GPR39: variants seen among roughly 807,000 people sequenced by gnomAD.
GPR39 encodes the protein G protein-coupled receptor 39, also known as zinc sensing receptor.
GPR39 carries 23 observed loss-of-function variants against 18.4 expected under a neutral mutation model. That is an observed-to-expected ratio of 1.25 (90% confidence interval 0.90 to 1.77). The LOEUF (loss-of-function observed/expected upper bound fraction) is 1.77, where lower values mean the gene tolerates loss of function less well. GPR39 is among the 40% of genes most tolerant of loss of function. The pLI is 0.00. For missense variants in GPR39, 647 were observed against 602.4 expected (o/e 1.07, Z -0.78); for synonymous variants, 280 against 257.9 (o/e 1.09, Z -0.82).
chr2:132,438,746 T>C (rs1285561845), intron 1 of GPR39, among the ~76,000 whole-genome samples: 2 of 152,156 alleles, frequency 1.3e-5, no homozygotes, highest in Non-Finnish European at 1.5e-5. Flanking sequence ...TTGTTTCAAG[T>C]TGAAGGTCTT....
intron 1 of GPR39, among the ~76,000 whole-genome samples, chr2:132,530,031 G>A (rs1558828236): frequency 6.6e-6 from 1 of 152,090 alleles, no homozygotes; most frequent in African/African-American, 2.4e-5. Context: ...GAGAGAAGAA[G>A]CCTTCAGAAG....
chr2:132,554,052 G>A (rs1680102642), intron 1 of GPR39, among the ~76,000 whole-genome samples: 1 of 152,150 alleles, frequency 6.6e-6, no homozygotes, highest in African/African-American at 2.4e-5. Context: ...CATTCATGCT[G>A]CAGAAGTATA....
intron 1 of GPR39, among the ~76,000 whole-genome samples, chr2:132,594,314 A>G (rs1275683763): frequency 6.6e-6 from 1 of 152,126 alleles, no homozygotes; most frequent in East Asian, 1.9e-4. Context: ...TTTTTTGGCT[A>G]AAATGATCTC....
rs949584978 is a variant in GPR39, at chr2:132,645,364, C to T, written c.1120C>T (p.Leu374=). ...SLQHANHEKR[L]RVHAHSTTDS... is the part of the protein sequence containing the mutation. ...GCAGCACGCCAACCACGAGAAGCGC[C>T]TGCGCGTACATGCGCACTCCACCAC... The change falls in exon 2 of 2, where the codon CTG becomes TTG. Residue 374 remains leucine (L), a synonymous_variant. Coordinates refer to ENST00000329321, the MANE Select transcript of GPR39 (RefSeq NM_001508.3). 6.8e-6 allele frequency: 11 copies of T among 1,613,930 alleles called. No individual in the cohort carries two copies. In the African/African-American group the frequency reaches 1.3e-4, roughly 20 times the overall value.
intron 1 of GPR39, chr2:132,604,965 A>G (rs61605526): frequency 0.24 from 36,689 of 152,162 alleles, 4,947 homozygotes; most frequent in African/African-American, 0.36. Context: ...TACTTACCAC[A>G]TGTCAGATAT....
chr2:132,567,650 C>G (rs1680374452), intron 1 of GPR39, among the ~76,000 whole-genome samples: 1 of 152,154 alleles, frequency 6.6e-6, no homozygotes, highest in Non-Finnish European at 1.5e-5. Flanking sequence ...AGAAAACAGG[C>G]TAAGATACCA....
intron 1 of GPR39, among the ~76,000 whole-genome samples, chr2:132,496,715 A>G (rs952238290): frequency 6.6e-6 from 1 of 152,088 alleles, no homozygotes; most frequent in Admixed American, 6.6e-5. Flanking sequence ...GTTGTCATCA[A>G]CTCCACTTTC....
intron 1 of GPR39, among the ~76,000 whole-genome samples, chr2:132,418,756 T>C (rs760818607): frequency 3.3e-5 from 5 of 152,242 alleles, no homozygotes; most frequent in Non-Finnish European, 7.3e-5. Context: ...GACAAGGCTT[T>C]AATGGAGACA....
At chr2:132,487,968 TATC>T (rs756364385) in intron 1 of GPR39, among the ~76,000 whole-genome samples, 1 of 152,186 alleles carries the variant, frequency 6.6e-6, no homozygotes, top group African/African-American at 2.4e-5. Context: ...CAACTCAACA[TATC>T]ATAATGAAAT....
At chr2:132,614,268 G>A (rs767575292) in intron 1 of GPR39, among the ~76,000 whole-genome samples, 7 of 151,946 alleles carry the variant, frequency 4.6e-5, no homozygotes, top group South Asian at 4.2e-4. Flanking sequence ...GTGCAGTGGC[G>A]CAATCTCGGC....
chr2:132,603,301 C>G (rs996857520), intron 1 of GPR39, among the ~76,000 whole-genome samples: 2 of 152,144 alleles, frequency 1.3e-5, no homozygotes, highest in African/African-American at 4.8e-5. Context: ...CACATGTTCT[C>G]ACTCATGTGG....
At chr2:132,489,738 C>T (rs1028141147) in intron 1 of GPR39, among the ~76,000 whole-genome samples, 1 of 151,930 alleles carries the variant, frequency 6.6e-6, no homozygotes, top group African/African-American at 2.4e-5. Flanking sequence ...TATATATGCA[C>T]TGCAGTGCCC....
intron 1 of GPR39, among the ~76,000 whole-genome samples, chr2:132,573,396 G>A (rs1680476272): frequency 6.6e-6 from 1 of 152,056 alleles, no homozygotes; most frequent in African/African-American, 2.4e-5. Flanking sequence ...AATCAGGAAG[G>A]TTTCAGAGTG....
chr2:132,426,893 C>A (rs1280698274), intron 1 of GPR39, among the ~76,000 whole-genome samples: 1 of 151,900 alleles, frequency 6.6e-6, no homozygotes, highest in South Asian at 2.1e-4. Context: ...ATGAAACTAA[C>A]GGCATGCAGA....
chr2:132,541,977 C>A (rs1278047781), intron 1 of GPR39, among the ~76,000 whole-genome samples: 1 of 152,154 alleles, frequency 6.6e-6, no homozygotes, highest in African/African-American at 2.4e-5. Context: ...TTGCTATGTC[C>A]TCACATGGTG....
In GPR39 at chr2:132,645,545, A is replaced by C. The variant is rs750608039; in HGVS notation, c.1301A>C (p.Asn434Thr). Reference sequence around the variant, plus strand: ...TTGAGTCTCGAGTCACTAGAGCCCAACTCAGGCGCGAAACCAGCCAATTCT... The same window carrying C: ...TTGAGTCTCGAGTCACTAGAGCCCACCTCAGGCGCGAAACCAGCCAATTCT... ...QSLSLESLEP[N>T]SGAKPANSAA... The change falls in exon 2 of 2, where the codon AAC becomes ACC. Residue 434 changes from asparagine to threonine, a missense_variant. This residue lies in a region of GPR39 where 581 missense variants were observed against 506.8 expected (regional missense o/e 1.15). Coordinates refer to ENST00000329321, the MANE Select transcript of GPR39 (RefSeq NM_001508.3). The C allele has an allele frequency of 2.7e-5, 43 of 1,613,964 alleles. No individual in the cohort carries two copies. The highest frequency in any genetic ancestry group is 3.4e-5 in the Non-Finnish European group (40 of 1,180,010).
At chr2:132,507,132 T>C (rs1418007808) in intron 1 of GPR39, among the ~76,000 whole-genome samples, 1 of 152,058 alleles carries the variant, frequency 6.6e-6, no homozygotes, top group African/African-American at 2.4e-5. Flanking sequence ...TACTATCACA[T>C]TGGGAATTCA....
chr2:132,546,400 G>C (rs1230170273), intron 1 of GPR39, among the ~76,000 whole-genome samples: 1 of 152,196 alleles, frequency 6.6e-6, no homozygotes. Context: ...CGGGGGATAG[G>C]CAGAGGAACT....
At chr2:132,449,412 A>G (rs1680595459) in intron 1 of GPR39, among the ~76,000 whole-genome samples, 1 of 151,916 alleles carries the variant, frequency 6.6e-6, no homozygotes, top group Non-Finnish European at 1.5e-5. Context: ...ATGCCTGGCT[A>G]ATTTTTGTAT....
Sources: allele counts gnomAD v4.1 joint callset (sites outside exome capture counted in the v4.1 genomes callset), GRCh38; gene constraint gnomAD v4.1.1; regional missense constraint gnomAD v4.1.1; transcripts MANE v1.5; gene names NCBI Gene and HGNC (gene_info 2026-07-23, HGNC 2026-07-21).